NDUFA10: variants seen among roughly 807,000 people sequenced by gnomAD.
NDUFA10 encodes NADH:ubiquinone oxidoreductase subunit A10.
NDUFA10 carries 40 observed loss-of-function variants against 47.8 expected under a neutral mutation model. The ratio of observed to expected loss-of-function variants is 0.84; its 90% CI spans 0.65 to 1.09. NDUFA10 has a LOEUF of 1.09. NDUFA10 is among the 50% of genes least tolerant of loss of function. The pLI is 0.00. For synonymous variants in NDUFA10, 183 were observed against 172.2 expected, an observed-to-expected ratio of 1.06 and a Z score of -0.49; for missense variants, 413 against 451.1, an observed-to-expected ratio of 0.92 and a Z score of 0.76.
chr2:239,904,112 G>A lies in NDUFA10; in HGVS notation c.295-8798C>T, dbSNP rs150297898. Among the ~76,000 whole-genome samples the A allele has an allele frequency of 8.9e-3, 1,346 of 152,078 alleles. 22 individuals carry two copies. Among genetic ancestry groups the A allele is most frequent in the African/African-American group, 0.031 (1,272 of 41,460 alleles). ...AGGCAAAGGGGGCAAAAGGAGGAGG[G>A]GTGGGGGCCTATCTCAGAGAAATTC... On this transcript the variant is annotated intron_variant, in intron 4 of 5. Transcript: ENST00000419408.
At chr2:239,915,220 CAGAG>C (rs1225976014) in intron 4 of NDUFA10, among the ~76,000 whole-genome samples, 1 of 145,770 alleles carries the variant, frequency 6.9e-6, no homozygotes, top group South Asian at 2.2e-4. Flanking sequence ...TACACAGACA[CAGAG>C]AGACACAGAT....
intron 4 of NDUFA10, among the ~76,000 whole-genome samples, chr2:239,918,825 G>A (rs1459699613): frequency 6.6e-6 from 1 of 152,196 alleles, no homozygotes; most frequent in Non-Finnish European, 1.5e-5. Context: ...GGCTTGCCAA[G>A]GACACAGCCA....
chr2:239,907,968 T>C (rs977940348), intron 4 of NDUFA10, among the ~76,000 whole-genome samples: 4 of 152,208 alleles, frequency 2.6e-5, no homozygotes, highest in Non-Finnish European at 4.4e-5. Flanking sequence ...TGCGGCACTA[T>C]TCACAATAGC....
In NDUFA10 at chr2:239,987,114, T is replaced by C. The variant is rs1696032450; in HGVS notation, c.999+2960A>G. ...TTGGCTATTCTTGCTCAGAAGAACATGGCTAGGATAAATGACTGCTCATGA... is the reference window on the plus strand; with the variant it reads ...TTGGCTATTCTTGCTCAGAAGAACACGGCTAGGATAAATGACTGCTCATGA... On this transcript the variant is annotated intron_variant, in intron 9 of 9. Coordinates refer to ENST00000252711, the MANE Select transcript of NDUFA10 (RefSeq NM_004544.4). This position sits in a 1 kb window ranked among gnomAD's most constrained non-coding sequence, Gnocchi z 4.8. Among the ~76,000 whole-genome samples, 1 of 152,136 alleles carries C rather than the reference T, an allele frequency of 6.6e-6. No individual in the cohort carries two copies. The highest frequency in any genetic ancestry group is 1.5e-5 in the Non-Finnish European group (1 of 68,014).
intron 9 of NDUFA10, among the ~76,000 whole-genome samples, chr2:239,963,938 C>T (rs139570756): frequency 1.1e-3 from 174 of 152,290 alleles, no homozygotes; most frequent in African/African-American, 4.0e-3. Flanking sequence ...TGGCCACTAG[C>T]TCTGCACGAA....
chr2:240,010,864 T>C (rs1697113144), intron 6 of NDUFA10, among the ~76,000 whole-genome samples: 1 of 152,200 alleles, frequency 6.6e-6, no homozygotes, highest in Non-Finnish European at 1.5e-5. Flanking sequence ...TTTGTTTTTA[T>C]TCACAACTTC....
intron 9 of NDUFA10, among the ~76,000 whole-genome samples, chr2:239,967,349 G>C (rs1244298370): frequency 6.6e-6 from 1 of 152,126 alleles, no homozygotes; most frequent in African/African-American, 2.4e-5. Context: ...GCCGCTGACT[G>C]CTTCTGTAAA....
In NDUFA10 at chr2:239,959,098, A is replaced by G; in HGVS notation, c.*2020T>C. 1 of 985,484 alleles carries G rather than the reference A, an allele frequency of 1.0e-6. No homozygotes were observed. Among genetic ancestry groups the G allele is most frequent in the Non-Finnish European group, 1.2e-6 (1 of 829,952 alleles). The allele number at this position is 985,484 out of a possible 1,614,324, so 61.0% of individuals were successfully genotyped here. On this transcript the variant is annotated 3_prime_UTR_variant, in exon 10 of 10. Coordinates refer to ENST00000252711, the MANE Select transcript of NDUFA10 (RefSeq NM_004544.4). Reference sequence around the variant, plus strand: ...TCTTTCTCTGCTGAACATGCATGTCATTGAAAACACCAGAAAATCAAACAG... The same window carrying G: ...TCTTTCTCTGCTGAACATGCATGTCGTTGAAAACACCAGAAAATCAAACAG...
chr2:239,961,224 GT>G, intron 9 of NDUFA10, 38 bp from the exon 10 acceptor site: 1 of 1,613,904 alleles, frequency 6.2e-7, no homozygotes, highest in Non-Finnish European at 8.5e-7. Context: ...TCTGTTTAAC[GT>G]GAATGAATGT....
rs770237200 is a variant in NDUFA10 at position 239,990,120 on chromosome 2, G to C, written c.953C>G (p.Thr318Ser). Residue 318 changes from threonine to serine, a missense_variant, in exon 9 of 10, where the codon ACC (threonine) becomes AGC (serine). Transcript: ENST00000252711. ...ACGGTCAGTCTGATGAGCTCCAATGGTGACTTCCGGGAGAAAGATAGGAAT... is the reference window on the plus strand; with the variant it reads ...ACGGTCAGTCTGATGAGCTCCAATGCTGACTTCCGGGAGAAAGATAGGAAT... ...TSIPIFLPEV[T>S]IGAHQTDRVL... 5 of 1,613,768 alleles carry C rather than the reference G, an allele frequency of 3.1e-6. No homozygotes were observed. Among genetic ancestry groups the C allele is most frequent in the Non-Finnish European group, 4.2e-6 (5 of 1,179,866 alleles).
intron 4 of NDUFA10, among the ~76,000 whole-genome samples, chr2:239,947,681 T>G (rs776972085): frequency 1.3e-5 from 2 of 152,186 alleles, no homozygotes; most frequent in African/African-American, 2.4e-5. Flanking sequence ...CCGGCCTTCC[T>G]GCTGCCGTGA....
chr2:240,020,831 G>A (rs1462272051), intron 3 of NDUFA10, among the ~76,000 whole-genome samples: 1 of 152,180 alleles, frequency 6.6e-6, no homozygotes, highest in African/African-American at 2.4e-5. Flanking sequence ...CTGTCTGCAT[G>A]GCACATGCAC....
At chr2:239,973,423 ATC>A (rs942657525) in intron 9 of NDUFA10, 12 of 443,180 alleles carry the variant, frequency 2.7e-5, no homozygotes, top group African/African-American at 1.9e-4. Context: ...TAATAAAAAC[ATC>A]TCTGTTTTAA....
chr2:239,959,116 T>G lies in NDUFA10; in HGVS notation c.*2002A>C. 3.0e-5 allele frequency: 30 copies of G among 985,352 alleles called. No homozygotes were observed. Among genetic ancestry groups the G allele is most frequent in the Non-Finnish European group, 3.6e-5 (30 of 829,928 alleles). The allele number at this position is 985,352 out of a possible 1,614,324, so 61.0% of individuals were successfully genotyped here. The stretch of plus-strand genomic sequence containing the variant: ...GCATGTCATTGAAAACACCAGAAAA[T>G]CAAACAGACGAATGTCCTCAGCACT... On this transcript the variant is annotated 3_prime_UTR_variant, in exon 10 of 10. Coordinates refer to ENST00000252711, the MANE Select transcript of NDUFA10 (RefSeq NM_004544.4).
chr2:239,927,422 AG>A (rs913254025), intron 4 of NDUFA10, among the ~76,000 whole-genome samples: 1 of 152,160 alleles, frequency 6.6e-6, no homozygotes, highest in Non-Finnish European at 1.5e-5. Context: ...GTTTAGCCTA[AG>A]TGTGCAATGT....
At chr2:240,005,406 T>C (rs1189922048) in intron 7 of NDUFA10, 111 bp from the exon 8 acceptor site, 1 of 847,592 alleles carries the variant, frequency 1.2e-6, no homozygotes, top group Non-Finnish European at 2.0e-6. Context: ...TGGAAAGTAG[T>C]GGCACAATCA....
At chr2:239,982,266 G>A in intron 9 of NDUFA10, 1 of 1,599,068 alleles carries the variant, frequency 6.3e-7, no homozygotes, top group Non-Finnish European at 8.5e-7. Flanking sequence ...CTCTGACAAA[G>A]GCCGACTTTA....
chr2:239,990,742 CAATA>C (rs1696211603), intron 8 of NDUFA10, among the ~76,000 whole-genome samples: 1 of 152,092 alleles, frequency 6.6e-6, no homozygotes. Flanking sequence ...TTCTTGGCAC[CAATA>C]AATATACAAA....
chr2:240,002,905 C>G (rs894121588), intron 8 of NDUFA10, among the ~76,000 whole-genome samples: 2 of 151,988 alleles, frequency 1.3e-5, no homozygotes, highest in Non-Finnish European at 2.9e-5. Flanking sequence ...GCTGGAGTAC[C>G]GTGGCGTGAA....
Sources: allele counts gnomAD v4.1 joint callset (sites outside exome capture counted in the v4.1 genomes callset), GRCh38; gene constraint gnomAD v4.1.1; non-coding constraint Gnocchi (gnomAD v3.1); transcripts MANE v1.5; gene names NCBI Gene and HGNC (gene_info 2026-07-23, HGNC 2026-07-21).